Variants in LRIF1 observed in about 807,000 individuals in gnomAD.
LRIF1 encodes ligand-dependent nuclear receptor-interacting factor 1.
A neutral mutation model predicts 52.7 loss-of-function variants in LRIF1; 32 were observed. That is an observed-to-expected ratio of 0.61 (90% CI 0.46 to 0.82). The LOEUF is 0.82. Ranked by LOEUF, LRIF1 falls within the 40% of genes least tolerant of loss-of-function variation. The probability of loss-of-function intolerance (pLI) is 0.00; values close to 1 mark genes in which losing one functional copy is unlikely to be tolerated. For synonymous variants in LRIF1, 323 were observed against 317.4 expected (o/e 1.02, Z -0.19); for missense variants, 887 against 892.0 (o/e 0.99, Z 0.07).
chr1:110,894,826 C>T, the LRIF1 span: 1 of 686,102 alleles, frequency 1.5e-6, no homozygotes, highest in South Asian at 1.6e-5. Flanking sequence ...AACACCCTCC[C>T]CTCACCCTTA....
rs2101101425 is a variant in LRIF1 at position 110,947,527 on chromosome 1, T to G, written c.*432A>C. 6.4e-6 allele frequency: 1 copy of G among 155,582 alleles called. No individual in the cohort carries two copies. The highest frequency in any genetic ancestry group is 2.4e-5 in the African/African-American group (1 of 41,574). 9.6% of individuals were successfully genotyped at this position (155,582 alleles called of 1,614,324 possible). ...TTTAAGGGTAAAGAGATAAAGCAAG[T>G]ACATATACAAATCCACTGGAAAAGC... On this transcript the variant is annotated 3_prime_UTR_variant, in exon 4 of 4. Coordinates refer to ENST00000369763, the MANE Select transcript of LRIF1 (RefSeq NM_018372.4).
intron 1 of LRIF1, among the ~76,000 whole-genome samples, chr1:110,958,495 C>A (rs980222993): frequency 2.0e-5 from 3 of 151,866 alleles, no homozygotes; most frequent in African/African-American, 7.3e-5. Flanking sequence ...ACTGAAACTC[C>A]TTAAGGTGAG....
At chr1:110,918,588 G>T in the LRIF1 span, among the ~76,000 whole-genome samples, 1 of 152,076 alleles carries the variant, frequency 6.6e-6, no homozygotes, top group African/African-American at 2.4e-5. Flanking sequence ...AGAAATGAGG[G>T]ATAAAATATT....
At chr1:110,931,459 C>G in the LRIF1 span, among the ~76,000 whole-genome samples, 1 of 152,156 alleles carries the variant, frequency 6.6e-6, no homozygotes, top group African/African-American at 2.4e-5. Flanking sequence ...GTGCATGTGT[C>G]TTTATAGTAG....
chr1:110,879,531 C>A, the LRIF1 span, among the ~76,000 whole-genome samples: 1 of 152,266 alleles, frequency 6.6e-6, no homozygotes, highest in East Asian at 1.9e-4. Context: ...TCACAGTGCA[C>A]ATTAGCATAT....
the LRIF1 span, among the ~76,000 whole-genome samples, chr1:110,898,793 G>T: frequency 6.6e-6 from 1 of 152,148 alleles, no homozygotes; most frequent in African/African-American, 2.4e-5. Context: ...AACAAAGGAG[G>T]CACAGAGCAT....
the LRIF1 span, chr1:110,895,002 C>T: frequency 7.1e-5 from 114 of 1,613,900 alleles, no homozygotes; most frequent in Non-Finnish European, 9.2e-5. Flanking sequence ...CAGCATCCAC[C>T]GTTACCACTC....
the LRIF1 span, chr1:110,894,299 C>T: frequency 8.4e-4 from 1,354 of 1,602,588 alleles, 6 homozygotes; most frequent in African/African-American, 0.012. Flanking sequence ...GGGATCAGTG[C>T]TGTGAGAATG....
chr1:110,915,533 CA>C, the LRIF1 span, among the ~76,000 whole-genome samples: 1 of 141,976 alleles, frequency 7.0e-6, no homozygotes, highest in African/African-American at 2.9e-5. Context: ...TTACTATGTT[CA>C]AAAATGTACA....
the LRIF1 span, among the ~76,000 whole-genome samples, chr1:110,882,318 G>T: frequency 6.6e-6 from 1 of 151,992 alleles, no homozygotes; most frequent in African/African-American, 2.4e-5. Flanking sequence ...ATAGACAATT[G>T]TTCCAGCACC....
At chr1:110,959,806 A>G (rs2101122647) in intron 1 of LRIF1, among the ~76,000 whole-genome samples, 1 of 151,780 alleles carries the variant, frequency 6.6e-6, no homozygotes, top group Non-Finnish European at 1.5e-5. Context: ...TGGTAATGTT[A>G]TATAACTTCT....
At chr1:110,938,950 C>T in the LRIF1 span, 5 of 97,986 alleles carry the variant, frequency 5.1e-5, no homozygotes, top group Non-Finnish European at 1.0e-4. Flanking sequence ...ATCCCATTTA[C>T]GATAGCTACA....
chr1:110,883,380 C>T, the LRIF1 span, among the ~76,000 whole-genome samples: 2 of 151,818 alleles, frequency 1.3e-5, no homozygotes, highest in Admixed American at 6.6e-5. Flanking sequence ...TTAAAATAAC[C>T]TTGCATTCCT....
chr1:110,875,564 A>T, the LRIF1 span, among the ~76,000 whole-genome samples: 1 of 152,240 alleles, frequency 6.6e-6, no homozygotes, highest in Admixed American at 6.5e-5. Flanking sequence ...CTGCGTCCCT[A>T]GATTAGTCAG....
the LRIF1 span, among the ~76,000 whole-genome samples, chr1:110,885,369 T>C: frequency 1.3e-5 from 2 of 151,984 alleles, no homozygotes; most frequent in African/African-American, 4.8e-5. Context: ...AAACCCCGTC[T>C]CTATTAAAAA....
At chr1:110,962,685 G>C (rs1474028468) in intron 1 of LRIF1, among the ~76,000 whole-genome samples, 1 of 152,092 alleles carries the variant, frequency 6.6e-6, no homozygotes, top group Non-Finnish European at 1.5e-5. Flanking sequence ...ACAGGTACCT[G>C]GCCTCACAAA....
the LRIF1 span, among the ~76,000 whole-genome samples, chr1:110,925,166 CAGT>C: frequency 4.7e-4 from 72 of 152,254 alleles, 1 homozygote; most frequent in East Asian, 0.011. Flanking sequence ...ACATTTAACT[CAGT>C]AGTTTTGGGT....
At position 110,952,725 on chromosome 1, in the gene LRIF1, T is replaced by C. The variant is rs1658536744; in HGVS notation, c.159A>G (p.Gly53=). ...AAGATTGAACTAGTGGTATAAGATT[T>C]CCAGAAGACTTAGGAATTGGAAGTA... ...LQLLPIPKSS[G]NLIPLVQSSV... Residue 53 remains glycine, a synonymous_variant, in exon 2 of 4, where the codon GGA becomes GGG. Coordinates refer to ENST00000369763, the MANE Select transcript of LRIF1 (RefSeq NM_018372.4). 6.2e-7 allele frequency: 1 copy of C among 1,613,988 alleles called. No individual in the cohort carries two copies.
At chr1:110,900,993 G>C in the LRIF1 span, among the ~76,000 whole-genome samples, 20 of 152,198 alleles carry the variant, frequency 1.3e-4, no homozygotes, top group African/African-American at 4.6e-4. Flanking sequence ...TCAGAGAAAG[G>C]AATAGAGAAA....
Sources: gnomAD v4.1 joint callset for allele counts (sites outside exome capture counted in the v4.1 genomes callset) on GRCh38, gnomAD v4.1.1 for gene constraint, MANE v1.5 for transcripts, NCBI Gene and HGNC (gene_info 2026-07-23, HGNC 2026-07-21) for gene names.